Variants in AAR2 observed in about 807,000 individuals in gnomAD.
AAR2 encodes protein AAR2 homolog.
AAR2 carries 31 observed loss-of-function variants against 26.9 expected under a neutral mutation model. The observed-to-expected ratio is 1.15, with a 90% CI of 0.86 to 1.55. The LOEUF (loss-of-function observed/expected upper bound fraction) is 1.55, where lower values mean the gene tolerates loss of function less well. Among genes scored for constraint, AAR2 ranks in the 40% most tolerant of loss-of-function variants. AAR2 has a pLI of 0.00. For synonymous variants in AAR2, 188 were observed against 196.1 expected, an observed-to-expected ratio of 0.96 and a Z score of 0.34; for missense variants, 430 against 491.3, an observed-to-expected ratio of 0.88 and a Z score of 1.18.
chr20:36,243,488 T>C (rs1311444633), intron 2 of AAR2, among the ~76,000 whole-genome samples: 1 of 152,088 alleles, frequency 6.6e-6, no homozygotes, highest in African/African-American at 2.4e-5. Context: ...TTTAAAGAGG[T>C]ATTTGGTGTT....
At chr20:36,250,608 A>C (rs956412240) in intron 3 of AAR2, among the ~76,000 whole-genome samples, 3 of 152,158 alleles carry the variant, frequency 2.0e-5, no homozygotes, top group African/African-American at 2.4e-5. Context: ...TAGACCAGGA[A>C]ATGCCAGGGG....
At chr20:36,249,158 C>T (rs1427795366) in intron 3 of AAR2, among the ~76,000 whole-genome samples, 1 of 152,108 alleles carries the variant, frequency 6.6e-6, no homozygotes, top group East Asian at 1.9e-4. Flanking sequence ...AAATCAGCCG[C>T]GTAATGGAAT....
At chr20:36,248,138 TC>T (rs1361784622) in intron 3 of AAR2, among the ~76,000 whole-genome samples, 1 of 152,036 alleles carries the variant, frequency 6.6e-6, no homozygotes, top group African/African-American at 2.4e-5. Context: ...AAGCCATCCC[TC>T]CTCTCTCTGT....
At chr20:36,245,653 A>G (rs1024510548) in intron 3 of AAR2, among the ~76,000 whole-genome samples, 1 of 152,182 alleles carries the variant, frequency 6.6e-6, no homozygotes, top group African/African-American at 2.4e-5. Flanking sequence ...TACCCCCATG[A>G]GGCCTGCTCC....
In AAR2 at chr20:36,256,884, G is replaced by C. The variant is rs1307244792; in HGVS notation, c.*1139G>C. On this transcript the variant is annotated 3_prime_UTR_variant, in exon 4 of 4. Coordinates refer to ENST00000320849, the MANE Select transcript of AAR2 (RefSeq NM_001271874.2). ...TTTTGCTTCCACTTGTTTCCTTGGAGATGTTTTTCCAAGAGCATAATGTAC... is the reference window on the plus strand; with the variant it reads ...TTTTGCTTCCACTTGTTTCCTTGGACATGTTTTTCCAAGAGCATAATGTAC... 6.5e-6 allele frequency: 1 copy of C among 152,676 alleles called. No homozygotes were observed. Among genetic ancestry groups the C allele is most frequent in the African/African-American group, 2.4e-5 (1 of 41,464 alleles). 9.5% of individuals were successfully genotyped at this position (152,676 alleles called of 1,614,324 possible).
chr20:36,244,291 A>G (rs1317860574), intron 2 of AAR2, among the ~76,000 whole-genome samples: 1 of 152,220 alleles, frequency 6.6e-6, no homozygotes, highest in Non-Finnish European at 1.5e-5. Context: ...CTCCTCCACC[A>G]GAACCTCTGA....
intron 3 of AAR2, among the ~76,000 whole-genome samples, chr20:36,246,005 A>G (rs2147292749): frequency 6.6e-6 from 1 of 152,344 alleles, no homozygotes; most frequent in Non-Finnish European, 1.5e-5. Context: ...AGCCTGGGCA[A>G]CAGAGTGAGA....
In AAR2 at chr20:36,240,451, C is replaced by T. The variant is rs2064668219; in HGVS notation, c.583C>T (p.Leu195=). The change falls in exon 2 of 4, where the codon CTA becomes TTA. Residue 195 remains leucine (L), a synonymous_variant. Coordinates refer to ENST00000320849, the MANE Select transcript of AAR2 (RefSeq NM_001271874.2). The part of the protein sequence containing the change: ...CKSYQEGLAR[L]PEMKPRAGTE... ...AAGCTACCAAGAGGGCCTGGCCCGG[C>T]TACCAGAGATGAAGCCCAGAGCCGG... The T allele has an allele frequency of 6.2e-7, 1 of 1,614,220 alleles. No homozygotes were observed. The highest frequency in any genetic ancestry group is 2.2e-5 in the East Asian group (1 of 44,880).
At chr20:36,237,104 G>C (rs896031096) in intron 1 of AAR2, among the ~76,000 whole-genome samples, 1 of 152,212 alleles carries the variant, frequency 6.6e-6, no homozygotes, top group Non-Finnish European at 1.5e-5. Context: ...TTTCTATATG[G>C]AGACAGCCTC....
At chr20:36,255,522 T>C in intron 3 of AAR2, 56 bp from the exon 4 acceptor site, 1 of 1,597,926 alleles carries the variant, frequency 6.3e-7, no homozygotes, top group Non-Finnish European at 8.6e-7. Flanking sequence ...TTCCACAGCT[T>C]TCTCGCCCCC....
Position 36,239,270 on chromosome 20 carries a change from T to C in AAR2, c.-48-551T>C, listed in dbSNP as rs1240836478. Among the ~76,000 whole-genome samples, 3 of 152,208 alleles carry C rather than the reference T, an allele frequency of 2.0e-5. 1 individual carries two copies. The East Asian group carries it at 5.8e-4, about 29-fold the overall frequency. ...AGCTCTCTAGACCCTGAACAAACTT[T>C]AGATGCTGAGCCTCCACTTGCTACC... is the stretch of plus-strand genomic sequence containing the variant. On this transcript the variant is annotated intron_variant, in intron 1 of 3. Transcript: ENST00000320849.
chr20:36,237,273 C>T (rs1248318984), intron 1 of AAR2, among the ~76,000 whole-genome samples: 1 of 152,200 alleles, frequency 6.6e-6, no homozygotes, highest in Non-Finnish European at 1.5e-5. Context: ...TGGGAAACCA[C>T]TCAGAAGCTG....
chr20:36,241,755 C>A (rs946727091), intron 2 of AAR2, among the ~76,000 whole-genome samples: 44 of 152,162 alleles, frequency 2.9e-4, no homozygotes, highest in Admixed American at 1.3e-4. Context: ...TGCACTCCAG[C>A]CTGGGCAACA....
chr20:36,240,442 C>T lies in AAR2; in HGVS notation c.574C>T (p.Leu192=). Residue 192 remains leucine (L), a synonymous_variant, in exon 2 of 4, where the codon CTG becomes TTG. Coordinates refer to ENST00000320849, the MANE Select transcript of AAR2 (RefSeq NM_001271874.2). ...GIECKSYQEG[L]ARLPEMKPRA... ...TGAGTGCAAAAGCTACCAAGAGGGC[C>T]TGGCCCGGCTACCAGAGATGAAGCC... 1 of 1,614,218 alleles carries T rather than the reference C, an allele frequency of 6.2e-7. No homozygotes were observed. Among genetic ancestry groups the T allele is most frequent in the Non-Finnish European group, 8.5e-7 (1 of 1,180,046 alleles).
chr20:36,253,324 G>C (rs2064795443), intron 3 of AAR2, among the ~76,000 whole-genome samples: 1 of 152,192 alleles, frequency 6.6e-6, no homozygotes, highest in Non-Finnish European at 1.5e-5. Context: ...GTGGATCAAA[G>C]AGCTTCTTCC....
intron 1 of AAR2, among the ~76,000 whole-genome samples, chr20:36,237,794 A>G (rs2064629413): frequency 7.2e-6 from 1 of 138,762 alleles, no homozygotes; most frequent in South Asian, 2.2e-4. Context: ...TATTATTATT[A>G]TTATTTTGAG....
Position 36,245,722 on chromosome 20 carries a change from C to T in AAR2, c.987+796C>T, listed in dbSNP as rs534188582. On this transcript the variant is annotated intron_variant, in intron 3 of 3. Coordinates refer to ENST00000320849, the MANE Select transcript of AAR2 (RefSeq NM_001271874.2). ...CACTCGGGGTAACAGAAGGGACGAGCATTCGTTAAATATTGGGGCTGGGCG... is the reference window on the plus strand; with the variant it reads ...CACTCGGGGTAACAGAAGGGACGAGTATTCGTTAAATATTGGGGCTGGGCG... Among the ~76,000 whole-genome samples the T allele has an allele frequency of 7.2e-5, 11 of 152,330 alleles. No homozygotes were observed. The South Asian group carries it at 2.3e-3, about 32-fold the overall frequency.
chr20:36,248,162 C>G (rs1052929589), intron 3 of AAR2, among the ~76,000 whole-genome samples: 3 of 152,040 alleles, frequency 2.0e-5, no homozygotes, highest in African/African-American at 7.2e-5. Context: ...CAATCTCTGT[C>G]TCTCTTTCAC....
chr20:36,247,840 G>A (rs777627708), intron 3 of AAR2, among the ~76,000 whole-genome samples: 3 of 152,056 alleles, frequency 2.0e-5, no homozygotes, highest in Non-Finnish European at 4.4e-5. Context: ...CTACACTCCA[G>A]CCTGGGCAAA....
Sources: allele counts gnomAD v4.1 joint callset (sites outside exome capture counted in the v4.1 genomes callset), GRCh38; gene constraint gnomAD v4.1.1; transcripts MANE v1.5; gene names NCBI Gene and HGNC (gene_info 2026-07-23, HGNC 2026-07-21).